The following RHOBTB3 variants were observed in gnomAD, a reference collection of about 807,000 sequenced individuals.
RHOBTB3 encodes rho-related BTB domain-containing protein 3.
RHOBTB3 carries 47 observed loss-of-function variants against 67.2 expected under a neutral mutation model. The ratio of observed to expected loss-of-function variants is 0.70; its 90% CI spans 0.55 to 0.89. The LOEUF (loss-of-function observed/expected upper bound fraction) is 0.89. RHOBTB3 is among the 40% of genes least tolerant of loss of function. RHOBTB3 has a pLI of 0.00. For missense variants in RHOBTB3, 631 were observed against 750.0 expected, an observed-to-expected ratio of 0.84 and a Z score of 1.85; for synonymous variants, 273 against 274.2, an observed-to-expected ratio of 1.00 and a Z score of 0.04.
Position 95,766,596 on chromosome 5 carries a change from TAAAAAAA to T in RHOBTB3, c.1162-1439_1162-1433del, listed in dbSNP as rs534051950. On this transcript the variant is annotated intron_variant, in intron 7 of 11. Transcript: ENST00000379982. ...TATCCACTGTAAATAGACTAAAATT[TAAAAAAA>T]AAAAAAAAAAGAGAAAGAAAGCAAA... Among the ~76,000 whole-genome samples the T allele has an allele frequency of 6.0e-5, 7 of 115,850 alleles. No individual in the cohort carries two copies. The East Asian group carries it at 1.6e-3, about 27-fold the overall frequency. 76.0% of individuals were successfully genotyped at this position (115,850 alleles called of 152,430 possible).
intron 3 of RHOBTB3, among the ~76,000 whole-genome samples, chr5:95,739,674 C>T (rs1463789795): frequency 6.6e-6 from 1 of 152,166 alleles, no homozygotes; most frequent in Non-Finnish European, 1.5e-5. Flanking sequence ...ACCTCAGCCT[C>T]CTGAGTAGCA....
intron 6 of RHOBTB3, among the ~76,000 whole-genome samples, chr5:95,757,124 T>C (rs1393718581): frequency 6.6e-6 from 1 of 152,106 alleles, no homozygotes; most frequent in Admixed American, 6.5e-5. Flanking sequence ...TTCCTTACTG[T>C]GCCCTTTCTT....
At chr5:95,750,125 A>C (rs1260231873) in intron 4 of RHOBTB3, among the ~76,000 whole-genome samples, 3 of 152,230 alleles carry the variant, frequency 2.0e-5, no homozygotes, top group South Asian at 4.1e-4. Context: ...TGTAAAATAG[A>C]ATGGCATTGG....
chr5:95,723,594 T>C (rs1317770780), intron 1 of RHOBTB3, among the ~76,000 whole-genome samples: 3 of 152,228 alleles, frequency 2.0e-5, no homozygotes, highest in Non-Finnish European at 4.4e-5. Flanking sequence ...TTTATAAATT[T>C]TGTGTAAATT....
chr5:95,767,564 C>T (rs1475998895), intron 7 of RHOBTB3, among the ~76,000 whole-genome samples: 9 of 152,184 alleles, frequency 5.9e-5, no homozygotes. Context: ...TCTCAAACTC[C>T]AGACCTCAAG....
intron 7 of RHOBTB3, 60 bp downstream of exon 7, chr5:95,763,680 A>C (rs954295135): frequency 2.2e-6 from 2 of 923,506 alleles, no homozygotes; most frequent in Non-Finnish European, 3.5e-6. Context: ...CTCACATACT[A>C]TGATGAATAT....
At chr5:95,770,519 A>G (rs1046554871) in intron 8 of RHOBTB3, 1 of 346,136 alleles carries the variant, frequency 2.9e-6, no homozygotes, top group African/African-American at 2.1e-5. Flanking sequence ...GTTATGAGCT[A>G]TGGTTGGGGG....
At chr5:95,780,097 A>T in intron 8 of RHOBTB3, 155 bp from the exon 9 acceptor site, 1 of 537,430 alleles carries the variant, frequency 1.9e-6, no homozygotes, top group Non-Finnish European at 3.3e-6. Context: ...AAAATTAAGA[A>T]GTTTCTGGAT....
At chr5:95,770,586 T>C in intron 8 of RHOBTB3, 1 of 451,752 alleles carries the variant, frequency 2.2e-6, no homozygotes, top group African/African-American at 2.0e-5. Context: ...TGAGAACTGC[T>C]TTATTAGATG....
chr5:95,789,094 G>A (rs563796210), intron 11 of RHOBTB3: 16 of 385,730 alleles, frequency 4.1e-5, no homozygotes, highest in South Asian at 2.4e-4. Flanking sequence ...AGCTCCATCC[G>A]TTTTTAAATG....
At chr5:95,777,196 C>T (rs889032632) in intron 8 of RHOBTB3, among the ~76,000 whole-genome samples, 16 of 152,290 alleles carry the variant, frequency 1.1e-4, no homozygotes, top group African/African-American at 3.8e-4. Context: ...AATTACATTC[C>T]CTTCTGGTTT....
intron 1 of RHOBTB3, among the ~76,000 whole-genome samples, chr5:95,720,844 T>C (rs2112745714): frequency 6.6e-6 from 1 of 152,344 alleles, no homozygotes; most frequent in African/African-American, 2.4e-5. Context: ...TATTCTTTTG[T>C]TTCTGTTCAC....
chr5:95,767,312 G>A (rs983160986), intron 7 of RHOBTB3, among the ~76,000 whole-genome samples: 1 of 151,364 alleles, frequency 6.6e-6, no homozygotes, highest in Non-Finnish European at 1.5e-5. Context: ...GAAGGATATG[G>A]TGTGATAAGG....
chr5:95,769,350 A>G, intron 8 of RHOBTB3: 2 of 471,498 alleles, frequency 4.2e-6, no homozygotes, highest in Non-Finnish European at 8.5e-6. Context: ...CACCACTGCT[A>G]CTGTACTTGC....
At chr5:95,759,237 C>T (rs756769863) in intron 6 of RHOBTB3, among the ~76,000 whole-genome samples, 4 of 152,342 alleles carry the variant, frequency 2.6e-5, no homozygotes, top group East Asian at 1.9e-4. Flanking sequence ...TTGTACGTCA[C>T]GGCCAAAGCC....
intron 8 of RHOBTB3, among the ~76,000 whole-genome samples, chr5:95,777,132 A>C (rs1745910788): frequency 6.6e-6 from 1 of 152,234 alleles, no homozygotes; most frequent in Non-Finnish European, 1.5e-5. Flanking sequence ...AAATATTTAG[A>C]GAGGTACGGA....
intron 1 of RHOBTB3, among the ~76,000 whole-genome samples, chr5:95,718,229 A>G (rs1754743124): frequency 6.6e-6 from 1 of 152,170 alleles, no homozygotes; most frequent in African/African-American, 2.4e-5. Context: ...AGAGACTTGC[A>G]TATGTTTAAA....
At chr5:95,742,750 C>T (rs1435152303) in intron 3 of RHOBTB3, among the ~76,000 whole-genome samples, 2 of 152,080 alleles carry the variant, frequency 1.3e-5, no homozygotes, top group Non-Finnish European at 2.9e-5. Flanking sequence ...AGTTCTTGTT[C>T]CAATCTTAAG....
intron 2 of RHOBTB3, among the ~76,000 whole-genome samples, chr5:95,735,670 TA>T (rs1484188802): frequency 6.6e-6 from 1 of 152,176 alleles, no homozygotes; most frequent in African/African-American, 2.4e-5. Flanking sequence ...AAAGGCCACA[TA>T]AAAAGACAAA....
Sources: allele counts gnomAD v4.1 joint callset (sites outside exome capture counted in the v4.1 genomes callset), GRCh38; gene constraint gnomAD v4.1.1; transcripts MANE v1.5; gene names NCBI Gene and HGNC (gene_info 2026-07-23, HGNC 2026-07-21).